The following PAPPA2 variants were observed in gnomAD, a reference collection of about 807,000 sequenced individuals.
PAPPA2 encodes pappalysin-2.
PAPPA2 carries 86 observed loss-of-function variants against 176.4 expected under a neutral mutation model. The observed-to-expected ratio is 0.49, with a 90% CI of 0.41 to 0.58. The LOEUF (loss-of-function observed/expected upper bound fraction) is 0.58. Ranked by LOEUF, PAPPA2 falls within the 20% of genes least tolerant of loss-of-function variation. The probability of loss-of-function intolerance (pLI) is 0.00; values close to 1 mark genes in which losing one functional copy is unlikely to be tolerated. For synonymous variants in PAPPA2, 809 were observed against 852.2 expected, an observed-to-expected ratio of 0.95 and a Z score of 0.88; for missense variants, 2,073 against 2,256.9, an observed-to-expected ratio of 0.92 and a Z score of 1.65.
intron 3 of PAPPA2, among the ~76,000 whole-genome samples, chr1:176,597,671 C>T (rs1654059729): frequency 6.6e-6 from 1 of 151,882 alleles, no homozygotes; most frequent in African/African-American, 2.4e-5. Flanking sequence ...TATCCCAGAA[C>T]TTAAAGTATA....
At chr1:176,630,139 A>C (rs1656262628) in intron 3 of PAPPA2, among the ~76,000 whole-genome samples, 2 of 152,126 alleles carry the variant, frequency 1.3e-5, no homozygotes, top group Non-Finnish European at 1.5e-5. Context: ...AGTGGGAGGG[A>C]GGGTCCTTTC....
chr1:176,653,568 G>A (rs1242167558), intron 3 of PAPPA2, among the ~76,000 whole-genome samples: 1 of 151,234 alleles, frequency 6.6e-6, no homozygotes, highest in East Asian at 2.0e-4. Flanking sequence ...CTCTTTATTG[G>A]GTTCTTCCTT....
chr1:176,600,801 CAG>C lies in PAPPA2; in HGVS notation c.1991+5209_1991+5210del, dbSNP rs374220283. ...TCTATTGAGTGGAGTGCTCCAGGCA[CAG>C]AGTCTTTCCACTCACAGTGGAAGCA... On this transcript the variant is annotated intron_variant, in intron 3 of 22. Transcript: ENST00000367662. Among the ~76,000 whole-genome samples, 471 of 152,064 alleles carry C rather than the reference CAG, an allele frequency of 3.1e-3. 1 individual carries two copies. Among genetic ancestry groups the C allele is most frequent in the African/African-American group, 0.01 (435 of 41,468 alleles).
At chr1:176,607,983 C>T (rs1001328599) in intron 3 of PAPPA2, among the ~76,000 whole-genome samples, 4 of 152,026 alleles carry the variant, frequency 2.6e-5, no homozygotes, top group African/African-American at 4.8e-5. Flanking sequence ...AATAAAAACA[C>T]CCACAAACAA....
At chr1:176,702,774 TGTGAGA>T (rs1422761815) in intron 9 of PAPPA2, 39 bp downstream of exon 9, 50 of 1,435,338 alleles carry the variant, frequency 3.5e-5, no homozygotes, top group African/African-American at 1.0e-4. Context: ...TGTGTGTGTG[TGTGAGA>T]GAGAGAGAGA....
chr1:176,610,115 T>A (rs1189477512), intron 3 of PAPPA2, among the ~76,000 whole-genome samples: 1 of 152,048 alleles, frequency 6.6e-6, no homozygotes, highest in African/African-American at 2.4e-5. Flanking sequence ...CCTATTTGAG[T>A]ATAAAAACAT....
intron 21 of PAPPA2, among the ~76,000 whole-genome samples, chr1:176,807,724 G>A (rs941113834): frequency 1.3e-5 from 2 of 151,906 alleles, no homozygotes; most frequent in South Asian, 2.1e-4. Flanking sequence ...TCAAACTCCT[G>A]GCCTCAGGTG....
At chr1:176,580,855 A>AT (rs141070624) in intron 2 of PAPPA2, among the ~76,000 whole-genome samples, 5,875 of 151,954 alleles carry the variant, frequency 0.039, 407 homozygotes, top group African/African-American at 0.13. Context: ...AAATGTTTGC[A>AT]TTTTTTGCAT....
At chr1:176,653,948 C>G (rs893059130) in intron 3 of PAPPA2, among the ~76,000 whole-genome samples, 1 of 151,664 alleles carries the variant, frequency 6.6e-6, no homozygotes, top group Non-Finnish European at 1.5e-5. Flanking sequence ...TACTGTTTCT[C>G]AGACCTCTTT....
At chr1:176,834,162 A>G (rs576716449) in intron 21 of PAPPA2, among the ~76,000 whole-genome samples, 1 of 152,348 alleles carries the variant, frequency 6.6e-6, no homozygotes, top group Admixed American at 6.5e-5. Flanking sequence ...TTAGATCCCA[A>G]GCCTTTGAAA....
chr1:176,569,791 T>A (rs1008033410), intron 2 of PAPPA2, among the ~76,000 whole-genome samples: 3 of 152,236 alleles, frequency 2.0e-5, no homozygotes, highest in African/African-American at 7.2e-5. Flanking sequence ...AAGGATGAAC[T>A]AATTCTATTT....
At chr1:176,748,989 T>C (rs1018600626) in intron 14 of PAPPA2, among the ~76,000 whole-genome samples, 1 of 146,644 alleles carries the variant, frequency 6.8e-6, no homozygotes, top group African/African-American at 2.5e-5. Context: ...TAAAAAGTTA[T>C]GGTTACTGTT....
intron 21 of PAPPA2, among the ~76,000 whole-genome samples, chr1:176,815,424 C>A (rs1666333740): frequency 6.6e-6 from 1 of 152,148 alleles, no homozygotes; most frequent in African/African-American, 2.4e-5. Flanking sequence ...CTGCTCCTAA[C>A]CTCAGCCTCT....
chr1:176,745,909 T>C (rs927742546), intron 14 of PAPPA2, among the ~76,000 whole-genome samples: 1 of 152,186 alleles, frequency 6.6e-6, no homozygotes, highest in Non-Finnish European at 1.5e-5. Flanking sequence ...TGGAAAGCTG[T>C]CACTGTGGTG....
At chr1:176,592,971 C>G (rs1319649416) in intron 2 of PAPPA2, among the ~76,000 whole-genome samples, 6 of 152,170 alleles carry the variant, frequency 3.9e-5, no homozygotes, top group Non-Finnish European at 8.8e-5. Flanking sequence ...CCTTACACTT[C>G]TTTAACAGAT....
At chr1:176,623,668 T>TC (rs1491499023) in intron 3 of PAPPA2, among the ~76,000 whole-genome samples, 64 of 72,234 alleles carry the variant, frequency 8.9e-4, no homozygotes, top group African/African-American at 4.4e-3. Flanking sequence ...TCTTTCTTTC[T>TC]TTTTCTTTCT....
In PAPPA2 at chr1:176,687,744, C is replaced by CT. The variant is rs570411577; in HGVS notation, c.2138-2382dup. ...AGTAGAAGGTAACTATTGATTGGAA[C>CT]TTTTTTTTTTTCATCTTTGGTAGTG... On this transcript the variant is annotated intron_variant, in intron 4 of 22. Coordinates refer to ENST00000367662, the MANE Select transcript of PAPPA2 (RefSeq NM_020318.3). Among the ~76,000 whole-genome samples the CT allele has an allele frequency of 2.3e-3, 337 of 148,218 alleles. 2 individuals are homozygous for CT. Among genetic ancestry groups the CT allele is most frequent in the African/African-American group, 7.1e-3 (289 of 40,554 alleles).
intron 1 of PAPPA2, among the ~76,000 whole-genome samples, chr1:176,496,563 G>A (rs575480924): frequency 5.3e-4 from 80 of 152,174 alleles, no homozygotes; most frequent in African/African-American, 1.8e-3. Context: ...TGGGCACCTC[G>A]TTGTCTTTGG....
At chr1:176,499,852 C>G (rs1471570650) in intron 1 of PAPPA2, among the ~76,000 whole-genome samples, 2 of 152,182 alleles carry the variant, frequency 1.3e-5, no homozygotes, top group Non-Finnish European at 2.9e-5. Flanking sequence ...TACTGTCCCT[C>G]TCTTAGCTTG....
Sources: allele counts gnomAD v4.1 joint callset (sites outside exome capture counted in the v4.1 genomes callset), GRCh38; gene constraint gnomAD v4.1.1; transcripts MANE v1.5; gene names NCBI Gene and HGNC (gene_info 2026-07-23, HGNC 2026-07-21).